Variants in AKAP7 observed in about 807,000 individuals in gnomAD.
AKAP7 encodes the protein A-kinase anchoring protein 7.
AKAP7 carries 39 observed loss-of-function variants against 39.5 expected under a neutral mutation model. That is an observed-to-expected ratio of 0.99 (90% confidence interval 0.76 to 1.29). The LOEUF is 1.29. AKAP7 is among the 50% of genes most tolerant of loss of function. The probability of loss-of-function intolerance (pLI) is 0.00; values close to 1 mark genes in which losing one functional copy is unlikely to be tolerated. For missense variants in AKAP7, 414 were observed against 407.7 expected (o/e 1.02, Z -0.13); for synonymous variants, 140 against 139.1 (o/e 1.01, Z -0.05).
At chr6:131,231,747 C>G (rs1810642185) in intron 7 of AKAP7, among the ~76,000 whole-genome samples, 1 of 152,100 alleles carries the variant, frequency 6.6e-6, no homozygotes, top group Non-Finnish European at 1.5e-5. Context: ...ACTTAGGTCA[C>G]CCTACCTAAG....
intron 7 of AKAP7, among the ~76,000 whole-genome samples, chr6:131,222,351 C>G (rs554902215): frequency 6.6e-6 from 1 of 152,182 alleles, no homozygotes; most frequent in East Asian, 1.9e-4. Context: ...CCGTGAAACC[C>G]TGTCTCTACT....
chr6:131,267,368 CAT>C (rs1365136640), intron 7 of AKAP7, among the ~76,000 whole-genome samples: 1 of 152,178 alleles, frequency 6.6e-6, no homozygotes. Flanking sequence ...CATTTCATAA[CAT>C]GAGCAGTTTT....
At chr6:131,170,359 G>GA (rs1803931695) in intron 5 of AKAP7, among the ~76,000 whole-genome samples, 1 of 147,970 alleles carries the variant, frequency 6.8e-6, no homozygotes, top group African/African-American at 2.4e-5. Context: ...GCAGAATCTG[G>GA]AAAAAAAGAA....
chr6:131,189,912 G>A (rs189681244), intron 5 of AKAP7, among the ~76,000 whole-genome samples: 320 of 152,270 alleles, frequency 2.1e-3, no homozygotes, highest in Non-Finnish European at 3.7e-3. Context: ...GTGCTTGAAG[G>A]AATGCCTGTG....
chr6:131,222,739 A>T (rs1027852791), intron 7 of AKAP7, among the ~76,000 whole-genome samples: 4 of 152,222 alleles, frequency 2.6e-5, no homozygotes, highest in Admixed American at 2.0e-4. Flanking sequence ...GATTTAGAAT[A>T]CTACATTAAC....
chr6:131,161,425 C>T (rs1562873295), intron 3 of AKAP7, among the ~76,000 whole-genome samples: 1 of 151,212 alleles, frequency 6.6e-6, no homozygotes, highest in Admixed American at 6.6e-5. Flanking sequence ...TGGATGGATC[C>T]CTCGAGCCCA....
chr6:131,253,092 C>G, intron 7 of AKAP7: 1 of 1,613,396 alleles, frequency 6.2e-7, no homozygotes, highest in South Asian at 1.1e-5. Flanking sequence ...AGGATATACC[C>G]AGTTGGTCAA....
At chr6:131,164,252 G>C (rs1375562305) in intron 3 of AKAP7, 10 of 412,212 alleles carry the variant, frequency 2.4e-5, no homozygotes, top group Non-Finnish European at 4.4e-5. Context: ...GCTTCTCTGT[G>C]CTCTCTTTTC....
chr6:131,126,290 G>T, the AKAP7 span, among the ~76,000 whole-genome samples: 2 of 152,006 alleles, frequency 1.3e-5, no homozygotes, highest in African/African-American at 2.4e-5. Context: ...TTGAAAATAG[G>T]CAGGGTACCA....
intron 2 of AKAP7, 144 bp downstream of exon 2, chr6:131,145,560 G>T (rs1801416513): frequency 1.9e-6 from 1 of 523,696 alleles, no homozygotes; most frequent in Non-Finnish European, 2.8e-6. Context: ...ATTTATTCTA[G>T]TTTTTTGAGA....
In AKAP7 at chr6:131,169,190, A is replaced by G. The variant is rs1310158833; in HGVS notation, c.506A>G (p.Gln169Arg). The change falls in exon 5 of 8, where the codon CAA (glutamine) becomes CGA (arginine). Residue 169 changes from glutamine to arginine, a missense_variant. By Grantham distance (43) the Gln-to-Arg change is conservative. Coordinates refer to ENST00000431975, the MANE Select transcript of AKAP7 (RefSeq NM_016377.4). ...GGAAAACATTTGACTTTGCCCTTTCAAGGGATTGGTACTTTTGGAAATCAG... is the reference window on the plus strand; with the variant it reads ...GGAAAACATTTGACTTTGCCCTTTCGAGGGATTGGTACTTTTGGAAATCAG... ...LQGKHLTLPF[Q>R]GIGTFGNQVG... is the part of the protein sequence containing the mutation. 1 of 1,614,072 alleles carries G rather than the reference A, an allele frequency of 6.2e-7. No homozygotes were observed. Among genetic ancestry groups the G allele is most frequent in the East Asian group, 2.2e-5 (1 of 44,858 alleles).
chr6:131,129,238 G>T, the AKAP7 span, among the ~76,000 whole-genome samples: 1 of 144,922 alleles, frequency 6.9e-6, no homozygotes, highest in Non-Finnish European at 1.5e-5. Flanking sequence ...AGTGAGCCAA[G>T]ATCATGCCAC....
chr6:131,185,276 G>T, intron 5 of AKAP7: 2 of 470,768 alleles, frequency 4.2e-6, no homozygotes, highest in South Asian at 1.9e-5. Flanking sequence ...CAGGGTACGA[G>T]TAGTTGTCCA....
intron 5 of AKAP7, among the ~76,000 whole-genome samples, chr6:131,178,171 G>C (rs1036856130): frequency 1.3e-5 from 2 of 152,168 alleles, no homozygotes; most frequent in Admixed American, 6.5e-5. Context: ...AGCACAATCT[G>C]TCCAGCCATC....
At chr6:131,231,135 A>C (rs767897425) in intron 7 of AKAP7, among the ~76,000 whole-genome samples, 2 of 152,178 alleles carry the variant, frequency 1.3e-5, no homozygotes, top group African/African-American at 4.8e-5. Context: ...CTATTAAGCT[A>C]TCTCCATGTT....
intron 6 of AKAP7, among the ~76,000 whole-genome samples, chr6:131,218,576 A>G (rs1809411154): frequency 6.7e-6 from 1 of 149,982 alleles, no homozygotes; most frequent in South Asian, 2.1e-4. Context: ...AAGAGAAAAT[A>G]TATATTCTAG....
intron 5 of AKAP7, among the ~76,000 whole-genome samples, chr6:131,173,685 T>C (rs1804301312): frequency 6.6e-6 from 1 of 152,184 alleles, no homozygotes; most frequent in South Asian, 2.1e-4. Flanking sequence ...ACAGTTAATC[T>C]TTTCTTCCTG....
chr6:131,171,671 T>G (rs949716932), intron 5 of AKAP7, among the ~76,000 whole-genome samples: 1 of 152,136 alleles, frequency 6.6e-6, no homozygotes, highest in East Asian at 1.9e-4. Context: ...AAGCTGCATT[T>G]GGGATGAGTG....
chr6:131,135,613 C>T lies in AKAP7; in HGVS notation c.-151C>T, dbSNP rs1800465655. On this transcript the variant is annotated 5_prime_UTR_variant, in exon 1 of 8. Coordinates refer to ENST00000431975, the MANE Select transcript of AKAP7 (RefSeq NM_016377.4). The stretch of plus-strand genomic sequence containing the variant: ...CCTCCGCCGCCCGGGCCCCCGCAGC[C>T]TGTCGCTGGACCCCGCGCCGGCCCA... 7.7e-6 allele frequency: 5 copies of T among 650,560 alleles called. No homozygotes were observed. Among genetic ancestry groups the T allele is most frequent in the Non-Finnish European group, 7.7e-6 (4 of 522,272 alleles). The allele number at this position is 650,560 out of a possible 1,614,324, so 40.3% of individuals were successfully genotyped here.
Sources: gnomAD v4.1 joint callset for allele counts (sites outside exome capture counted in the v4.1 genomes callset) on GRCh38, gnomAD v4.1.1 for gene constraint, MANE v1.5 for transcripts, NCBI Gene and HGNC (gene_info 2026-07-23, HGNC 2026-07-21) for gene names.